GRID2: variants seen among roughly 807,000 people sequenced by gnomAD.
The protein encoded by GRID2 is glutamate ionotropic receptor delta type subunit 2.
A neutral mutation model predicts 114.8 loss-of-function variants in GRID2; 33 were observed. That is an observed-to-expected ratio of 0.29 (90% CI 0.22 to 0.38). The LOEUF is 0.38. Among genes scored for constraint, GRID2 ranks in the 10% least tolerant of loss-of-function variants. GRID2 has a pLI of 1.00. For synonymous variants in GRID2, 505 were observed against 449.9 expected (o/e 1.12, Z -1.55); for missense variants, 1,184 against 1,257.7 (o/e 0.94, Z 0.89).
At chr4:93,019,876 C>T (rs1723115813) in intron 2 of GRID2, among the ~76,000 whole-genome samples, 1 of 151,944 alleles carries the variant, frequency 6.6e-6, no homozygotes, top group Admixed American at 6.6e-5. Flanking sequence ...CATTATACAT[C>T]CATAAAAATT....
intron 11 of GRID2, among the ~76,000 whole-genome samples, chr4:93,473,543 A>T (rs1725042063): frequency 6.6e-6 from 1 of 152,106 alleles, no homozygotes; most frequent in African/African-American, 2.4e-5. Flanking sequence ...AAACATGACA[A>T]CTCTGCACAC....
At chr4:92,607,511 T>C (rs919696500) in intron 2 of GRID2, among the ~76,000 whole-genome samples, 1 of 151,924 alleles carries the variant, frequency 6.6e-6, no homozygotes, top group Non-Finnish European at 1.5e-5. Context: ...ACATTTTTCA[T>C]AGCCAAGATT....
chr4:93,543,725 AG>A (rs1178448144), intron 13 of GRID2, among the ~76,000 whole-genome samples: 4 of 151,208 alleles, frequency 2.6e-5, no homozygotes, highest in Non-Finnish European at 4.4e-5. Flanking sequence ...AGAGAGAGAG[AG>A]AGAGAGAGAG....
chr4:92,496,879 ATTAC>A (rs958960010), intron 1 of GRID2, among the ~76,000 whole-genome samples: 1 of 151,708 alleles, frequency 6.6e-6, no homozygotes, highest in Non-Finnish European at 1.5e-5. Context: ...TTAAAAAAAA[ATTAC>A]TTAATTTATA....
intron 2 of GRID2, among the ~76,000 whole-genome samples, chr4:93,039,322 G>A (rs1357566243): frequency 1.3e-5 from 2 of 151,214 alleles, no homozygotes; most frequent in Middle Eastern, 3.4e-3. Context: ...CTGTCTGGGG[G>A]TGGGTGGCTA....
At chr4:92,832,206 A>C (rs1742149556) in intron 2 of GRID2, among the ~76,000 whole-genome samples, 1 of 152,038 alleles carries the variant, frequency 6.6e-6, no homozygotes, top group African/African-American at 2.4e-5. Context: ...TTATGAGGCC[A>C]AGGCGGGCTG....
chr4:93,711,369 T>C (rs1182711213), intron 14 of GRID2, among the ~76,000 whole-genome samples: 5 of 152,156 alleles, frequency 3.3e-5, no homozygotes, highest in Non-Finnish European at 7.4e-5. Flanking sequence ...AGAAATGTTG[T>C]CTGGGAGCTA....
intron 14 of GRID2, among the ~76,000 whole-genome samples, chr4:93,711,244 A>G (rs921159813): frequency 6.6e-6 from 1 of 152,172 alleles, no homozygotes; most frequent in South Asian, 2.1e-4. Context: ...CTGCCTGGCT[A>G]CTGCTGATGT....
chr4:92,572,090 C>T (rs1727654401), intron 1 of GRID2, among the ~76,000 whole-genome samples: 1 of 151,756 alleles, frequency 6.6e-6, no homozygotes, highest in African/African-American at 2.4e-5. Context: ...TTAATGAATC[C>T]AGGAGCTGGT....
chr4:93,738,190 G>T (rs890550891), intron 14 of GRID2, among the ~76,000 whole-genome samples: 3 of 152,108 alleles, frequency 2.0e-5, no homozygotes, highest in Non-Finnish European at 4.4e-5. Flanking sequence ...AAGCCTTTAG[G>T]TTAGTGTAAT....
At chr4:92,871,684 G>A (rs908748416) in intron 2 of GRID2, among the ~76,000 whole-genome samples, 4 of 152,038 alleles carry the variant, frequency 2.6e-5, no homozygotes, top group Non-Finnish European at 4.4e-5. Flanking sequence ...GCAAATATTA[G>A]AATTTTTTTT....
chr4:93,078,722 TATA>T (rs1271932627), intron 2 of GRID2, among the ~76,000 whole-genome samples: 5 of 146,434 alleles, frequency 3.4e-5, no homozygotes, highest in South Asian at 4.2e-4. Flanking sequence ...ATATACTAAA[TATA>T]ATTATATTTA....
At chr4:93,727,979 A>G (rs1271980549) in intron 14 of GRID2, among the ~76,000 whole-genome samples, 2 of 151,944 alleles carry the variant, frequency 1.3e-5, no homozygotes, top group East Asian at 1.9e-4. Context: ...TTGTGTCTCT[A>G]TGTCCTTCAG....
intron 2 of GRID2, among the ~76,000 whole-genome samples, chr4:92,674,150 G>C (rs1424808899): frequency 6.6e-6 from 1 of 151,832 alleles, no homozygotes; most frequent in Non-Finnish European, 1.5e-5. Context: ...GAGTTTCTTA[G>C]GCCTTCAGTT....
chr4:93,200,964 C>G (rs1742044281), intron 4 of GRID2, among the ~76,000 whole-genome samples: 1 of 152,080 alleles, frequency 6.6e-6, no homozygotes, highest in Non-Finnish European at 1.5e-5. Context: ...TTACCATATA[C>G]CATTATCTCA....
intron 2 of GRID2, among the ~76,000 whole-genome samples, chr4:92,650,767 T>C (rs570298926): frequency 7.9e-5 from 12 of 151,934 alleles, no homozygotes; most frequent in Non-Finnish European, 1.6e-4. Context: ...TGCTGAGTGG[T>C]ACCACTCCCA....
chr4:92,631,409 G>C (rs1730803999), intron 2 of GRID2, among the ~76,000 whole-genome samples: 1 of 152,094 alleles, frequency 6.6e-6, no homozygotes, highest in Non-Finnish European at 1.5e-5. Flanking sequence ...GTAAATAACA[G>C]GTTAGGTTCT....
intron 2 of GRID2, among the ~76,000 whole-genome samples, chr4:92,887,204 A>AAGCCCAGC (rs1323605291): frequency 6.6e-6 from 1 of 152,192 alleles, no homozygotes; most frequent in East Asian, 1.9e-4. Context: ...TAAAGAGAGA[A>AAGCCCAGC]AGCCCAGCAA....
chr4:92,721,672 G>C (rs1389326886), intron 2 of GRID2, among the ~76,000 whole-genome samples: 1 of 152,050 alleles, frequency 6.6e-6, no homozygotes, highest in Non-Finnish European at 1.5e-5. Context: ...GAAAATTATA[G>C]CATGTCCTCT....
Sources: gnomAD v4.1 joint callset for allele counts (sites outside exome capture counted in the v4.1 genomes callset) on GRCh38, gnomAD v4.1.1 for gene constraint, MANE v1.5 for transcripts, NCBI Gene and HGNC (gene_info 2026-07-23, HGNC 2026-07-21) for gene names.